EXOC6: variants seen among roughly 807,000 people sequenced by gnomAD.
The protein encoded by EXOC6 is exocyst complex component 6.
A neutral mutation model predicts 112.5 loss-of-function variants in EXOC6; 60 were observed. That is an observed-to-expected ratio of 0.53 (90% CI 0.43 to 0.66). The LOEUF is 0.66. Among genes scored for constraint, EXOC6 ranks in the 30% least tolerant of loss-of-function variants. EXOC6 has a pLI of 0.00. For synonymous variants in EXOC6, 295 were observed against 308.0 expected (o/e 0.96, Z 0.44); for missense variants, 855 against 957.1 (o/e 0.89, Z 1.41).
intron 18 of EXOC6, among the ~76,000 whole-genome samples, chr10:92,995,039 A>G (rs909053725): frequency 6.6e-6 from 1 of 151,968 alleles, no homozygotes; most frequent in African/African-American, 2.4e-5. Context: ...GTGAACTTAA[A>G]TTTTGAGCTA....
intron 20 of EXOC6, among the ~76,000 whole-genome samples, chr10:93,051,287 C>A (rs1846281943): frequency 6.6e-6 from 1 of 152,124 alleles, no homozygotes; most frequent in African/African-American, 2.4e-5. Context: ...GAGACTAATT[C>A]CTTTAAGCAG....
intron 18 of EXOC6, among the ~76,000 whole-genome samples, chr10:92,983,733 C>T (rs1842907936): frequency 6.6e-6 from 1 of 152,052 alleles, no homozygotes. Flanking sequence ...TCTCGAACTC[C>T]TGGCCTCAAG....
intron 17 of EXOC6, among the ~76,000 whole-genome samples, chr10:92,969,399 T>C (rs894841670): frequency 2.0e-5 from 3 of 152,140 alleles, no homozygotes; most frequent in African/African-American, 7.2e-5. Flanking sequence ...AGGTCACAGA[T>C]GCTGTAGTAC....
intron 18 of EXOC6, among the ~76,000 whole-genome samples, chr10:92,996,455 A>T (rs1284176501): frequency 6.6e-6 from 1 of 152,126 alleles, no homozygotes; most frequent in Non-Finnish European, 1.5e-5. Flanking sequence ...GTCTCTACTG[A>T]AAACACAAAA....
At chr10:92,958,597 G>A (rs1341655084) in intron 17 of EXOC6, among the ~76,000 whole-genome samples, 4 of 152,126 alleles carry the variant, frequency 2.6e-5, no homozygotes, top group African/African-American at 9.7e-5. Flanking sequence ...TATGGAGCAA[G>A]GACATGGTAC....
At chr10:92,959,625 T>C (rs1374610287) in intron 17 of EXOC6, among the ~76,000 whole-genome samples, 2 of 152,204 alleles carry the variant, frequency 1.3e-5, no homozygotes, top group Non-Finnish European at 2.9e-5. Context: ...GATAAAGGAC[T>C]CTTGTCTGAA....
intron 1 of EXOC6, among the ~76,000 whole-genome samples, chr10:92,893,052 G>GTC (rs1374477634): frequency 1.3e-5 from 2 of 152,088 alleles, no homozygotes; most frequent in Non-Finnish European, 2.9e-5. Context: ...CATTCACTCA[G>GTC]TAATTCTTTG....
intron 20 of EXOC6, among the ~76,000 whole-genome samples, chr10:93,040,437 C>T (rs958269504): frequency 3.3e-5 from 5 of 152,150 alleles, no homozygotes; most frequent in Admixed American, 6.5e-5. Flanking sequence ...TTAGTAGAGG[C>T]GGGGTTTCAC....
Position 92,915,742 on chromosome 10 carries a change from T to C in EXOC6, c.664-16T>C. On this transcript the variant is annotated splice_polypyrimidine_tract_variant and intron_variant, in intron 6 of 21. Coordinates refer to ENST00000260762, the MANE Select transcript of EXOC6 (RefSeq NM_019053.6). ...TCAGTTTTGAAATAATCTGAATTTC[T>C]CTCTCTTCAAAATAGGCACAGCATC... 1 of 1,493,494 alleles carries C rather than the reference T, an allele frequency of 6.7e-7. No individual in the cohort carries two copies. Among genetic ancestry groups the C allele is most frequent in the Non-Finnish European group, 8.8e-7 (1 of 1,131,034 alleles). 92.5% of individuals were successfully genotyped at this position (1,493,494 alleles called of 1,614,324 possible).
chr10:92,878,441 T>C (rs1326999066), intron 1 of EXOC6, among the ~76,000 whole-genome samples: 1 of 152,144 alleles, frequency 6.6e-6, no homozygotes, highest in Non-Finnish European at 1.5e-5. Context: ...CCCATGATTC[T>C]TCCCTTAGGG....
At chr10:92,898,032 T>A (rs1849924194) in intron 4 of EXOC6, among the ~76,000 whole-genome samples, 2 of 152,054 alleles carry the variant, frequency 1.3e-5, no homozygotes, top group Admixed American at 1.3e-4. Context: ...ATACTTGGAG[T>A]TCACAGATCT....
intron 17 of EXOC6, among the ~76,000 whole-genome samples, chr10:92,966,534 A>G (rs1842068942): frequency 6.8e-6 from 1 of 147,082 alleles, no homozygotes. Context: ...GAGAATATGC[A>G]GTGTTTGGTT....
chr10:92,857,083 T>A (rs1051780606), intron 1 of EXOC6, among the ~76,000 whole-genome samples: 2 of 152,132 alleles, frequency 1.3e-5, no homozygotes, highest in African/African-American at 4.8e-5. Context: ...TTTTGATTGT[T>A]TATTCATATT....
At chr10:92,894,502 G>T (rs983658667) in intron 2 of EXOC6, among the ~76,000 whole-genome samples, 1 of 152,146 alleles carries the variant, frequency 6.6e-6, no homozygotes, top group African/African-American at 2.4e-5. Flanking sequence ...GGTCAATTGG[G>T]TCAGTGATTT....
In EXOC6 at chr10:92,983,663, C is replaced by A. The variant is rs147464882; in HGVS notation, c.1953+9431C>A. On this transcript the variant is annotated intron_variant, in intron 18 of 21. Transcript: ENST00000260762. ...GGATAATTACAGGCGTGCGCCACCA[C>A]GCCCTACTAATTTTTGTAGTTTTAG... Among the ~76,000 whole-genome samples the A allele has an allele frequency of 3.6e-3, 548 of 152,086 alleles. 2 individuals carry two copies. Among genetic ancestry groups the A allele is most frequent in the African/African-American group, 0.013 (522 of 41,508 alleles).
At chr10:92,956,155 G>C (rs905771927) in intron 17 of EXOC6, among the ~76,000 whole-genome samples, 1 of 152,034 alleles carries the variant, frequency 6.6e-6, no homozygotes, top group African/African-American at 2.4e-5. Flanking sequence ...CTCTTTTGCG[G>C]GTGGAAAGAT....
chr10:92,903,176 ATTATT>A (rs1850265431), intron 5 of EXOC6, among the ~76,000 whole-genome samples: 1 of 152,044 alleles, frequency 6.6e-6, no homozygotes, highest in South Asian at 2.1e-4. Flanking sequence ...TTAAAAAATA[ATTATT>A]TTAGTAGTAC....
intron 19 of EXOC6, among the ~76,000 whole-genome samples, chr10:93,013,892 T>G (rs1202008149): frequency 2.0e-5 from 3 of 152,200 alleles, no homozygotes; most frequent in Non-Finnish European, 2.9e-5. Flanking sequence ...GTCAGAAAGC[T>G]TTACTTGATT....
chr10:92,927,634 C>T (rs1237149112), intron 8 of EXOC6, among the ~76,000 whole-genome samples: 2 of 152,156 alleles, frequency 1.3e-5, no homozygotes, highest in Non-Finnish European at 2.9e-5. Flanking sequence ...ACATAGTAAA[C>T]GTTCATCATC....
Sources: gnomAD v4.1 joint callset for allele counts (sites outside exome capture counted in the v4.1 genomes callset) on GRCh38, gnomAD v4.1.1 for gene constraint, MANE v1.5 for transcripts, NCBI Gene and HGNC (gene_info 2026-07-23, HGNC 2026-07-21) for gene names.